Variants in USP26 observed in about 807,000 individuals in gnomAD.
USP26 encodes the protein ubiquitin carboxyl-terminal hydrolase 26.
For missense variants in USP26, 649 were observed against 642.3 expected (o/e 1.01, Z -0.11); for synonymous variants, 236 against 240.6 (o/e 0.98, Z 0.18).
chrX:133,059,725 C>A (rs1247737899), intron 5 of USP26, among the ~76,000 whole-genome samples: 1 of 110,894 alleles, frequency 9.0e-6, no homozygotes, highest in Admixed American at 9.7e-5. Flanking sequence ...TGACTTCAAA[C>A]CCTCAAAGAT....
At position 133,027,015 on chromosome X, in the gene USP26, G is replaced by A. The variant is rs1383964516; in HGVS notation, c.1206C>T (p.Asn402=). The change falls in exon 6 of 6, where the codon AAC becomes AAT. Residue 402 remains asparagine (N), a synonymous_variant. Coordinates refer to ENST00000511190, the MANE Select transcript of USP26 (RefSeq NM_031907.3). ...DQLKDNMEKL[N]TIWKPKSEFG... The stretch of plus-strand genomic sequence containing the variant: ...ATTCACTTTTAGGCTTCCAAATTGT[G>A]TTGAGTTTTTCCATGTTATCTTTCA... 4 of 1,209,760 alleles carry A rather than the reference G, an allele frequency of 3.3e-6. No individual in the cohort carries two copies. In the African/African-American group the frequency reaches 5.2e-5, roughly 16 times the overall value.
intron 5 of USP26, among the ~76,000 whole-genome samples, chrX:133,056,498 A>T (rs2067475999): frequency 8.9e-6 from 1 of 111,964 alleles, no homozygotes; most frequent in East Asian, 2.8e-4. Flanking sequence ...CTAGACTAGC[A>T]GCCCTGTGAC....
intron 5 of USP26, among the ~76,000 whole-genome samples, chrX:133,050,127 G>T (rs1170921669): frequency 8.9e-6 from 1 of 111,863 alleles, no homozygotes; most frequent in African/African-American, 3.2e-5. Flanking sequence ...AAGGTTATTT[G>T]CACACTTTAA....
At chrX:133,088,470 T>C (rs1248728900) in intron 4 of USP26, among the ~76,000 whole-genome samples, 2 of 111,159 alleles carry the variant, frequency 1.8e-5, no homozygotes, top group African/African-American at 6.5e-5. Flanking sequence ...CAGGTGGTAA[T>C]GTTTGCTCGC....
chrX:133,037,400 C>G (rs2067399759), intron 5 of USP26, among the ~76,000 whole-genome samples: 1 of 112,137 alleles, frequency 8.9e-6, no homozygotes, highest in Non-Finnish European at 1.9e-5. Context: ...TATGGCTAGC[C>G]AGTTTTCCTA....
chrX:133,088,613 G>A (rs894923787), intron 4 of USP26, among the ~76,000 whole-genome samples: 3 of 111,873 alleles, frequency 2.7e-5, no homozygotes, highest in Admixed American at 9.5e-5. Context: ...AAGAAGCCAG[G>A]TCCCACTTTA....
In USP26 at chrX:133,026,433, A is replaced by T. The variant is rs766989855; in HGVS notation, c.1788T>A (p.Asp596Glu). 1.7e-6 allele frequency: 2 copies of T among 1,208,400 alleles called. No individual in the cohort carries two copies. Among genetic ancestry groups the T allele is most frequent in the South Asian group, 3.5e-5 (2 of 56,769 alleles). The change falls in exon 6 of 6, where the codon GAT becomes GAA. Residue 596 changes from aspartate (D) to glutamate (E), a missense_variant. Transcript: ENST00000511190. ...CTGATCCAATGTGTGGAGCCAGGAT[A>T]TCTTTGGATTCCTTTGTTGCAGGCC... ...VSWPATKESK[D>E]ILAPHIGSDK...
At chrX:133,078,112 G>T (rs2067556677) in intron 5 of USP26, among the ~76,000 whole-genome samples, 1 of 110,122 alleles carries the variant, frequency 9.1e-6, no homozygotes, top group African/African-American at 3.3e-5. Flanking sequence ...AAAAGAGCCA[G>T]CCACTTCCTC....
At chrX:133,044,186 T>A (rs1274438771) in intron 5 of USP26, among the ~76,000 whole-genome samples, 1 of 113,028 alleles carries the variant, frequency 8.8e-6, no homozygotes, top group Non-Finnish European at 1.9e-5. Flanking sequence ...AGCTGACAGC[T>A]TATGATAATG....
intron 4 of USP26, among the ~76,000 whole-genome samples, chrX:133,088,901 AG>A (rs755142769): frequency 1.1e-4 from 12 of 110,520 alleles, no homozygotes; most frequent in Non-Finnish European, 1.9e-4. Context: ...CACTTGATGA[AG>A]GAACTTGGTG....
At chrX:133,032,984 A>T (rs957644135) in intron 5 of USP26, among the ~76,000 whole-genome samples, 1 of 111,162 alleles carries the variant, frequency 9.0e-6, no homozygotes, top group African/African-American at 3.3e-5. Context: ...TCCCGGCTCC[A>T]AAGCTGGAAG....
intron 5 of USP26, among the ~76,000 whole-genome samples, chrX:133,063,222 G>A (rs77656657): frequency 9.0e-6 from 1 of 111,369 alleles, no homozygotes; most frequent in African/African-American, 3.3e-5. Context: ...AGAAATATGG[G>A]ACTATGTGAA....
intron 5 of USP26, among the ~76,000 whole-genome samples, chrX:133,037,838 C>T (rs778190114): frequency 1.4e-3 from 152 of 111,519 alleles, no homozygotes; most frequent in African/African-American, 4.8e-3. Flanking sequence ...TGTGTCCTCT[C>T]TGATTTCCTT....
intron 5 of USP26, among the ~76,000 whole-genome samples, chrX:133,062,505 G>A (rs192293560): frequency 8.9e-6 from 1 of 111,846 alleles, no homozygotes; most frequent in Admixed American, 9.4e-5. Context: ...CCTCATACAG[G>A]AGAGGTCTGG....
At chrX:133,042,863 G>T (rs1053980608) in intron 5 of USP26, among the ~76,000 whole-genome samples, 8 of 110,892 alleles carry the variant, frequency 7.2e-5, no homozygotes, top group African/African-American at 1.3e-4. Flanking sequence ...AAGTAAGAGG[G>T]AAGACCTGGA....
At chrX:133,076,275 A>T (rs934168546) in intron 5 of USP26, among the ~76,000 whole-genome samples, 1 of 111,473 alleles carries the variant, frequency 9.0e-6, no homozygotes, top group Non-Finnish European at 1.9e-5. Context: ...TTATGATGCT[A>T]TGAAATTTCC....
chrX:133,086,086 G>A (rs751343390), intron 4 of USP26, among the ~76,000 whole-genome samples: 3 of 111,461 alleles, frequency 2.7e-5, no homozygotes, highest in Admixed American at 9.6e-5. Flanking sequence ...ACCTGTGACC[G>A]CTTGAAACAG....
chrX:133,032,629 G>A (rs890659080), intron 5 of USP26, among the ~76,000 whole-genome samples: 8 of 112,009 alleles, frequency 7.1e-5, no homozygotes, highest in African/African-American at 2.6e-4. Context: ...AGTTGCCATG[G>A]TTCAGGTGTG....
intron 5 of USP26, among the ~76,000 whole-genome samples, chrX:133,081,808 T>C (rs2067571044): frequency 9.0e-6 from 1 of 111,600 alleles, no homozygotes. Context: ...CTTTAGGTAT[T>C]ATTATTAGTT....
Sources: allele counts gnomAD v4.1 joint callset (sites outside exome capture counted in the v4.1 genomes callset), GRCh38; gene constraint gnomAD v4.1.1; transcripts MANE v1.5; gene names NCBI Gene and HGNC (gene_info 2026-07-23, HGNC 2026-07-21).